The following TNS3 variants were observed in gnomAD, a reference collection of about 807,000 sequenced individuals.
TNS3 encodes the protein tensin-3.
Under a neutral mutation model 140.9 loss-of-function variants are expected in TNS3, and 45 were observed. The ratio of observed to expected loss-of-function variants is 0.32; its 90% CI spans 0.25 to 0.41. The LOEUF is 0.41. Among genes scored for constraint, TNS3 ranks in the 10% least tolerant of loss-of-function variants. TNS3 has a pLI of 1.00. For missense variants in TNS3, 1,716 were observed against 1,906.7 expected, an observed-to-expected ratio of 0.90 and a Z score of 1.86; for synonymous variants, 815 against 788.4, an observed-to-expected ratio of 1.03 and a Z score of -0.56.
intron 4 of TNS3, among the ~76,000 whole-genome samples, chr7:47,472,546 C>T (rs1796999114): frequency 6.6e-6 from 1 of 152,178 alleles, no homozygotes; most frequent in Non-Finnish European, 1.5e-5. Context: ...AAACTGAGAG[C>T]AGTCCAGGAC....
chr7:47,556,007 T>A (rs966719650), intron 1 of TNS3, among the ~76,000 whole-genome samples: 1 of 152,230 alleles, frequency 6.6e-6, no homozygotes, highest in Non-Finnish European at 1.5e-5. Flanking sequence ...CATGCATGCA[T>A]GCACGGTATA....
At chr7:47,523,435 G>C (rs886780596) in intron 2 of TNS3, among the ~76,000 whole-genome samples, 3 of 152,242 alleles carry the variant, frequency 2.0e-5, no homozygotes, top group African/African-American at 7.2e-5. Context: ...AAGTCCTCAA[G>C]ATCTCAGTGC....
intron 3 of TNS3, among the ~76,000 whole-genome samples, chr7:47,490,460 C>G (rs1278968674): frequency 1.3e-5 from 2 of 152,232 alleles, no homozygotes; most frequent in Non-Finnish European, 2.9e-5. Flanking sequence ...CTGCCATTCC[C>G]CCATCAAGAG....
chr7:47,537,975 A>G (rs879607792), intron 1 of TNS3, among the ~76,000 whole-genome samples: 3 of 92,426 alleles, frequency 3.2e-5, no homozygotes, highest in Non-Finnish European at 6.8e-5. Flanking sequence ...CACCCCCCCC[A>G]CCCCCCGCCA....
intron 2 of TNS3, among the ~76,000 whole-genome samples, chr7:47,507,554 G>A (rs1450109006): frequency 2.0e-5 from 3 of 152,336 alleles, no homozygotes; most frequent in Admixed American, 2.0e-4. Flanking sequence ...AATCCTTCCA[G>A]AGGGGCCATT....
upstream of TNS3, chr7:47,582,435 G>C (rs1388964916): frequency 2.2e-6 from 1 of 456,630 alleles, no homozygotes; most frequent in Non-Finnish European, 4.4e-6. Flanking sequence ...ACCTGGGGAG[G>C]CGGGTTCGGA....
chr7:47,540,319 A>C lies in TNS3; in HGVS notation c.-264-11172T>G, dbSNP rs115186917. ...AGGGAGGATGAATTCCAGACGGCTA[A>C]GGCAGACATCAGCAAACCAGCCATC... is the stretch of plus-strand genomic sequence containing the variant. On this transcript the variant is annotated intron_variant, in intron 1 of 30. Transcript: ENST00000311160. Among the ~76,000 whole-genome samples, 1,261 of 152,310 alleles carry C rather than the reference A, an allele frequency of 8.3e-3. 21 individuals are homozygous for C. The highest frequency in any genetic ancestry group is 0.029 in the African/African-American group (1,206 of 41,564).
At chr7:47,460,895 A>G (rs1018766607) in intron 4 of TNS3, among the ~76,000 whole-genome samples, 1 of 152,364 alleles carries the variant, frequency 6.6e-6, no homozygotes, top group East Asian at 1.9e-4. Flanking sequence ...GTAACTTCCA[A>G]TAAAGCTGAA....
chr7:47,463,564 G>A (rs941562757), intron 4 of TNS3, among the ~76,000 whole-genome samples: 1 of 152,190 alleles, frequency 6.6e-6, no homozygotes, highest in Non-Finnish European at 1.5e-5. Flanking sequence ...GTCATCTTGT[G>A]CTTAGGGACA....
chr7:47,530,838 A>AAAAATATATATATATATAT lies in TNS3; in HGVS notation c.-264-1692_-264-1691insATATATATATATATATTTT. Among the ~76,000 whole-genome samples the AAAAATATATATATATATAT allele has an allele frequency of 3.5e-4, 19 of 54,404 alleles. 1 individual carries two copies. The highest frequency in any genetic ancestry group is 4.6e-4 in the Non-Finnish European group (14 of 30,264). 35.7% of individuals were successfully genotyped at this position (54,404 alleles called of 152,430 possible). On this transcript the variant is annotated intron_variant, in intron 1 of 30. Transcript: ENST00000311160. ...AACTCCATCTCAAAAAAAAAAAAAA[A>AAAAATATATATATATATAT]ATATATATATATATATATATTTCTA...
chr7:47,500,199 T>C (rs1188304062), intron 3 of TNS3, among the ~76,000 whole-genome samples: 1 of 152,170 alleles, frequency 6.6e-6, no homozygotes, highest in African/African-American at 2.4e-5. Context: ...AAGCTCCCTG[T>C]GGACAGCACG....
intron 1 of TNS3, among the ~76,000 whole-genome samples, chr7:47,578,797 T>C (rs1584872747): frequency 6.6e-6 from 1 of 152,144 alleles, no homozygotes; most frequent in African/African-American, 2.4e-5. Flanking sequence ...GAGAAACGGA[T>C]AGACATCAAG....
intron 1 of TNS3, among the ~76,000 whole-genome samples, chr7:47,545,026 G>GGA (rs1799882485): frequency 6.6e-6 from 1 of 152,012 alleles, no homozygotes; most frequent in Non-Finnish European, 1.5e-5. Context: ...CACTAAAAAC[G>GGA]GAGAGAGGTA....
chr7:47,287,770 A>AT (rs1785495063), intron 27 of TNS3, among the ~76,000 whole-genome samples: 1 of 152,164 alleles, frequency 6.6e-6, no homozygotes, highest in African/African-American at 2.4e-5. Flanking sequence ...CAGAAATGAG[A>AT]TTTTTAAAGG....
chr7:47,487,645 G>C (rs372773114), intron 3 of TNS3, among the ~76,000 whole-genome samples: 6 of 152,094 alleles, frequency 3.9e-5, no homozygotes, highest in African/African-American at 1.2e-4. Flanking sequence ...AGAGACAAAC[G>C]GGCCAGCCAC....
chr7:47,347,927 A>G (rs1272976423), intron 17 of TNS3, among the ~76,000 whole-genome samples: 3 of 152,138 alleles, frequency 2.0e-5, no homozygotes, highest in South Asian at 4.1e-4. Flanking sequence ...ATGAAATGGC[A>G]TATCTGAGAG....
chr7:47,521,019 A>C (rs986931993), intron 2 of TNS3, among the ~76,000 whole-genome samples: 2 of 152,312 alleles, frequency 1.3e-5, no homozygotes, highest in South Asian at 2.1e-4. Context: ...TGCAACTTAC[A>C]TTCCCTGTGC....
intron 17 of TNS3, among the ~76,000 whole-genome samples, chr7:47,355,110 G>A (rs1273971604): frequency 4.6e-5 from 7 of 152,218 alleles, no homozygotes; most frequent in African/African-American, 1.2e-4. Context: ...TGGAGCCGGC[G>A]TCAAGGACAG....
intron 7 of TNS3, 84 bp downstream of exon 7, chr7:47,437,179 A>T: frequency 1.1e-6 from 1 of 876,840 alleles, no homozygotes; most frequent in Admixed American, 2.6e-5. Context: ...CATTCCACAA[A>T]GACTAGTAGC....
Sources: gnomAD v4.1 joint callset for allele counts (sites outside exome capture counted in the v4.1 genomes callset) on GRCh38, gnomAD v4.1.1 for gene constraint, MANE v1.5 for transcripts, NCBI Gene and HGNC (gene_info 2026-07-23, HGNC 2026-07-21) for gene names.